The following FAM117A variants were observed in gnomAD, a reference collection of about 807,000 sequenced individuals.
FAM117A encodes protein FAM117A.
In FAM117A, 21 loss-of-function variants were observed where a neutral mutation model predicts 44.1. The ratio of observed to expected loss-of-function variants is 0.48; its 90% CI spans 0.34 to 0.69. The LOEUF (loss-of-function observed/expected upper bound fraction) is 0.69. FAM117A is among the 30% of genes least tolerant of loss of function. FAM117A has a pLI of 0.01. For missense variants in FAM117A, 498 were observed against 589.9 expected, an observed-to-expected ratio of 0.84 and a Z score of 1.61; for synonymous variants, 220 against 238.3, an observed-to-expected ratio of 0.92 and a Z score of 0.71.
chr17:49,739,984 G>GA (rs1375475387), intron 1 of FAM117A, among the ~76,000 whole-genome samples: 3 of 152,308 alleles, frequency 2.0e-5, no homozygotes, highest in African/African-American at 4.8e-5. Flanking sequence ...ACGGCAAATG[G>GA]AAAAAACAAA....
intron 1 of FAM117A, among the ~76,000 whole-genome samples, chr17:49,771,760 G>C (rs990146288): frequency 1.3e-5 from 2 of 152,202 alleles, no homozygotes; most frequent in Non-Finnish European, 2.9e-5. Flanking sequence ...CTCTGGAGAG[G>C]GGATGCTGGT....
At chr17:49,770,740 C>T (rs1168505513) in intron 1 of FAM117A, among the ~76,000 whole-genome samples, 1 of 150,940 alleles carries the variant, frequency 6.6e-6, no homozygotes, top group Non-Finnish European at 1.5e-5. Flanking sequence ...CCTGTCTCTA[C>T]AAAAAATACA....
At chr17:49,779,106 G>A (rs2073782596) in intron 1 of FAM117A, among the ~76,000 whole-genome samples, 1 of 152,222 alleles carries the variant, frequency 6.6e-6, no homozygotes, top group South Asian at 2.1e-4. Context: ...TTGCAGGAAG[G>A]CCAGTGAAGC....
At chr17:49,752,349 C>T (rs1467529755) in intron 1 of FAM117A, among the ~76,000 whole-genome samples, 1 of 152,110 alleles carries the variant, frequency 6.6e-6, no homozygotes, top group Non-Finnish European at 1.5e-5. Context: ...TCAGACAGAT[C>T]CTGCGCCCCC....
At chr17:49,735,381 C>A (rs994440040) in intron 1 of FAM117A, among the ~76,000 whole-genome samples, 5 of 150,864 alleles carry the variant, frequency 3.3e-5, no homozygotes, top group Non-Finnish European at 5.9e-5. Flanking sequence ...CACAGCAAGA[C>A]TCCGTCTCAA....
In FAM117A at chr17:49,746,337, C is replaced by T. The variant is rs186175042; in HGVS notation, c.197-13617G>A. On this transcript the variant is annotated intron_variant, in intron 1 of 7. Coordinates refer to ENST00000240364, the MANE Select transcript of FAM117A (RefSeq NM_030802.4). Reference sequence around the variant, plus strand: ...AAAATACTGGCTTCATTTAGGAAGACAAATTCAAATCACTCCTCAGAAAGG... The same window carrying T: ...AAAATACTGGCTTCATTTAGGAAGATAAATTCAAATCACTCCTCAGAAAGG... Among the ~76,000 whole-genome samples the T allele has an allele frequency of 2.2e-4, 33 of 152,220 alleles. No homozygotes were observed. The East Asian group carries it at 6.2e-3, about 28-fold the overall frequency.
At chr17:49,784,783 AGT>A (rs1206570995) in intron 1 of FAM117A, among the ~76,000 whole-genome samples, 1 of 152,140 alleles carries the variant, frequency 6.6e-6, no homozygotes, top group Non-Finnish European at 1.5e-5. Flanking sequence ...AATACTCTAC[AGT>A]GTTTTGTAAG....
chr17:49,752,404 G>T (rs916008457), intron 1 of FAM117A, among the ~76,000 whole-genome samples: 1 of 152,138 alleles, frequency 6.6e-6, no homozygotes, highest in Non-Finnish European at 1.5e-5. Context: ...TACACCAGGG[G>T]TCCCTTACAG....
chr17:49,774,964 C>T (rs1339107546), intron 1 of FAM117A, among the ~76,000 whole-genome samples: 1 of 152,178 alleles, frequency 6.6e-6, no homozygotes, highest in Non-Finnish European at 1.5e-5. Context: ...GGCTCTGACT[C>T]CCTAAGTTTC....
chr17:49,755,241 G>A (rs975006747), intron 1 of FAM117A, among the ~76,000 whole-genome samples: 2 of 152,096 alleles, frequency 1.3e-5, no homozygotes, highest in African/African-American at 4.8e-5. Context: ...TCACAGGATG[G>A]TGGCTGGCTT....
chr17:49,788,707 A>C (rs925305893), upstream of FAM117A: 3 of 995,820 alleles, frequency 3.0e-6, no homozygotes, highest in Non-Finnish European at 4.3e-6. Flanking sequence ...GCTGAGAGGC[A>C]GGAGGCACTA....
chr17:49,716,184 G>A lies in FAM117A; in HGVS notation c.1042C>T (p.Arg348Cys), dbSNP rs746156669. Residue 348 changes from arginine to cysteine, a missense_variant, in exon 7 of 8, where the codon CGT becomes TGT. Transcript: ENST00000240364. Reference protein sequence around the residue: ...REPPEGCEKVRVFEEATSPGP... With the variant: ...REPPEGCEKVCVFEEATSPGP... ...ACTCACGTGGCTTCTTCAAACACACGCACTTTCTCACAGCCTTCTGGGGGC... is the reference window on the plus strand; with the variant it reads ...ACTCACGTGGCTTCTTCAAACACACACACTTTCTCACAGCCTTCTGGGGGC... The A allele has an allele frequency of 8.6e-5, 124 of 1,440,348 alleles. No homozygotes were observed. Among genetic ancestry groups the A allele is most frequent in the African/African-American group, 1.3e-4 (9 of 69,016 alleles). The allele number at this position is 1,440,348 out of a possible 1,614,324, so 89.2% of individuals were successfully genotyped here.
At chr17:49,768,618 G>C (rs2073751999), upstream of FAM117A, among the ~76,000 whole-genome samples, 1 of 152,100 alleles carries the variant, frequency 6.6e-6, no homozygotes, top group Non-Finnish European at 1.5e-5. Context: ...GGCTCCTCAG[G>C]GAACAAGATC....
chr17:49,719,497 T>C, intron 5 of FAM117A: 1 of 336,082 alleles, frequency 3.0e-6, no homozygotes, highest in Non-Finnish European at 5.4e-6. Flanking sequence ...TGTCTGTTCC[T>C]CCCAGCGGGG....
At chr17:49,762,234 T>C (rs1209445963) in intron 1 of FAM117A, among the ~76,000 whole-genome samples, 1 of 152,228 alleles carries the variant, frequency 6.6e-6, no homozygotes, top group Admixed American at 6.5e-5. Flanking sequence ...AGGCTTTCTG[T>C]TGTTTTCCAC....
In FAM117A at chr17:49,725,486, G is replaced by A. The variant is rs2093868253; in HGVS notation, c.367-2892C>T. Among the ~76,000 whole-genome samples, 4 of 152,324 alleles carry A rather than the reference G, an allele frequency of 2.6e-5. No individual in the cohort carries two copies. The South Asian group carries it at 8.3e-4, about 32-fold the overall frequency. ...GCAAAGAAAAGGGATAGGAATGCTG[G>A]GTGGGGGATACAATTGGAAATGTCA... On this transcript the variant is annotated intron_variant, in intron 2 of 7. Transcript: ENST00000240364.
At chr17:49,766,252 G>T (rs1242725517), upstream of FAM117A, among the ~76,000 whole-genome samples, 3 of 152,146 alleles carry the variant, frequency 2.0e-5, no homozygotes, top group Non-Finnish European at 4.4e-5. Flanking sequence ...TAAGAACACA[G>T]GATTACTGTT....
intron 1 of FAM117A, among the ~76,000 whole-genome samples, chr17:49,786,612 A>G (rs2073806642): frequency 6.6e-6 from 1 of 152,122 alleles, no homozygotes; most frequent in Non-Finnish European, 1.5e-5. Context: ...CACTGTCTCT[A>G]CTAAAAATAC....
chr17:49,751,532 A>T (rs981317477), intron 1 of FAM117A, among the ~76,000 whole-genome samples: 1 of 151,864 alleles, frequency 6.6e-6, no homozygotes, highest in African/African-American at 2.4e-5. Context: ...GTGAGACGAG[A>T]TTGCACCACT....
Sources: allele counts gnomAD v4.1 joint callset (sites outside exome capture counted in the v4.1 genomes callset), GRCh38; gene constraint gnomAD v4.1.1; transcripts MANE v1.5; gene names NCBI Gene and HGNC (gene_info 2026-07-23, HGNC 2026-07-21).